Variants in CFAP20DC observed in about 807,000 individuals in gnomAD.
CFAP20DC encodes protein CFAP20DC.
In CFAP20DC, 84 loss-of-function variants were observed where a neutral mutation model predicts 101.7. The observed-to-expected ratio is 0.83, with a 90% CI of 0.69 to 0.99. The LOEUF is 0.99. Ranked by LOEUF, CFAP20DC falls within the 50% of genes least tolerant of loss-of-function variation. CFAP20DC has a pLI of 0.00. For synonymous variants in CFAP20DC, 359 were observed against 351.2 expected (o/e 1.02, Z -0.25); for missense variants, 1,007 against 970.3 (o/e 1.04, Z -0.50).
rs1443682549 is a variant in CFAP20DC at position 58,722,214 on chromosome 3, G to A, written c.198-4586C>T. Among the ~76,000 whole-genome samples, 1 of 152,112 alleles carries A rather than the reference G, an allele frequency of 6.6e-6. No individual in the cohort carries two copies. Among genetic ancestry groups the A allele is most frequent in the Non-Finnish European group, 1.5e-5 (1 of 68,020 alleles). On this transcript the variant is annotated intron_variant, in intron 3 of 3. Coordinates refer to the CFAP20DC transcript ENST00000486145. This position sits in a 1 kb window ranked among gnomAD's most constrained non-coding sequence, Gnocchi z 4.5. ...AGCCCAGGCACCAGGCATGTGAGAA[G>A]CCTCCCAGTGATTCCAGCCACCAAG...
At chr3:58,793,982 A>C (rs988552776) in intron 15 of CFAP20DC, among the ~76,000 whole-genome samples, 1 of 152,228 alleles carries the variant, frequency 6.6e-6, no homozygotes, top group Non-Finnish European at 1.5e-5. Context: ...TCTGCAAATA[A>C]AGAGAATCAA....
rs1015488300 is a variant in CFAP20DC at position 58,849,371 on chromosome 3, A to G, written c.1632T>C (p.Thr544=). The part of the protein sequence containing the change: ...HSIQGSRGPT[T]GPSELTQLTL... ...TTAACTGAGTTAACTCTGAAGGACC[A>G]GTTGTTGGGCCTCGAGAACCCTGGA... Residue 544 remains threonine, a synonymous_variant, in exon 13 of 17, where the codon ACT becomes ACC. Transcript: ENST00000482387. 3.3e-6 allele frequency: 5 copies of G among 1,535,406 alleles called. No individual in the cohort carries two copies. The highest frequency in any genetic ancestry group is 4.4e-6 in the Non-Finnish European group (5 of 1,146,592).
intron 14 of CFAP20DC, among the ~76,000 whole-genome samples, chr3:58,809,914 A>G (rs1421143265): frequency 1.3e-5 from 2 of 152,212 alleles, no homozygotes; most frequent in African/African-American, 4.8e-5. Context: ...ATCAGGGAAT[A>G]GTACAAAAAC....
At chr3:58,990,780 T>TGTGTGTGTGTGC in intron 4 of CFAP20DC, among the ~76,000 whole-genome samples, 1 of 152,030 alleles carries the variant, frequency 6.6e-6, no homozygotes, top group African/African-American at 2.4e-5. Context: ...TGTGTGTGTG[T>TGTGTGTGTGTGC]GTGTGTGTGT....
chr3:58,841,446 T>G lies in CFAP20DC; in HGVS notation c.1971+7586A>C, dbSNP rs2077100181. On this transcript the variant is annotated intron_variant, in intron 13 of 16. Transcript: ENST00000482387. Reference sequence around the variant, plus strand: ...ATAATTTACAAATTCATTTTTTCTCTAAGTTTATGGAGCACAAATTGCAGA... The same window carrying G: ...ATAATTTACAAATTCATTTTTTCTCGAAGTTTATGGAGCACAAATTGCAGA... Among the ~76,000 whole-genome samples the G allele has an allele frequency of 2.0e-5, 3 of 152,234 alleles. No individual in the cohort carries two copies. The South Asian group carries it at 6.2e-4, about 32-fold the overall frequency.
chr3:58,785,578 A>G (rs893891071), intron 15 of CFAP20DC, among the ~76,000 whole-genome samples: 5 of 151,902 alleles, frequency 3.3e-5, no homozygotes, highest in African/African-American at 1.2e-4. Flanking sequence ...TTTAAAACAG[A>G]AAAAAAACTA....
intron 4 of CFAP20DC, among the ~76,000 whole-genome samples, chr3:58,968,626 T>G (rs1444597213): frequency 6.6e-6 from 1 of 152,080 alleles, no homozygotes; most frequent in African/African-American, 2.4e-5. Flanking sequence ...TCAGATGCAT[T>G]GTTTGTAAAT....
intron 4 of CFAP20DC, among the ~76,000 whole-genome samples, chr3:58,993,349 T>C (rs567730018): frequency 3.3e-5 from 5 of 152,224 alleles, no homozygotes; most frequent in Non-Finnish European, 5.9e-5. Flanking sequence ...TACCGTGTGA[T>C]TGACTGAAAT....
chr3:58,948,887 T>C (rs1264097835), intron 4 of CFAP20DC, among the ~76,000 whole-genome samples: 1 of 152,234 alleles, frequency 6.6e-6, no homozygotes, highest in African/African-American at 2.4e-5. Context: ...TTTGTACCTC[T>C]GGTAGAATTC....
At position 58,887,940 on chromosome 3, in the gene CFAP20DC, T is replaced by C. The variant is rs146382405; in HGVS notation, c.551-3231A>G. On this transcript the variant is annotated intron_variant, in intron 6 of 16. Transcript: ENST00000482387. ...TCTCTGAGATTTCATGGTGGAATAC[T>C]TGGAAAAGGGACTTTAGTCTCATTT... is the stretch of plus-strand genomic sequence containing the variant. 9.2e-5 allele frequency among the ~76,000 whole-genome samples: 14 copies of C among 152,366 alleles called. No individual in the cohort carries two copies. The East Asian group carries it at 2.5e-3, about 27-fold the overall frequency.
intron 5 of CFAP20DC, among the ~76,000 whole-genome samples, chr3:58,921,941 TGTGAA>T (rs2085424920): frequency 1.3e-5 from 2 of 152,224 alleles, no homozygotes; most frequent in African/African-American, 4.8e-5. Flanking sequence ...TCCTTATCAT[TGTGAA>T]ACATCTCTCA....
chr3:58,771,537 A>G (rs890391704), intron 15 of CFAP20DC, among the ~76,000 whole-genome samples: 7 of 152,192 alleles, frequency 4.6e-5, no homozygotes, highest in Admixed American at 2.6e-4. Flanking sequence ...CAAATATGCC[A>G]TATTAGCATA....
chr3:58,949,884 C>T (rs142097832), intron 4 of CFAP20DC, among the ~76,000 whole-genome samples: 2,640 of 152,256 alleles, frequency 0.017, 72 homozygotes, highest in African/African-American at 0.059. Context: ...CCTCTCTCAC[C>T]ACTCCTATTC....
At chr3:58,750,424 C>G (rs2068487718) in intron 16 of CFAP20DC, among the ~76,000 whole-genome samples, 1 of 152,154 alleles carries the variant, frequency 6.6e-6, no homozygotes, top group Admixed American at 6.5e-5. Context: ...CCACACCTCA[C>G]TAGGCTATTG....
At chr3:58,935,462 C>T (rs1222228164) in intron 5 of CFAP20DC, among the ~76,000 whole-genome samples, 1 of 151,822 alleles carries the variant, frequency 6.6e-6, no homozygotes, top group Non-Finnish European at 1.5e-5. Flanking sequence ...GCCCGCATCG[C>T]CAAGTCAATC....
At chr3:58,919,307 T>C (rs1358234989) in intron 5 of CFAP20DC, among the ~76,000 whole-genome samples, 1 of 152,160 alleles carries the variant, frequency 6.6e-6, no homozygotes, top group East Asian at 1.9e-4. Context: ...ACACCACAAT[T>C]TGCTCGTTCT....
intron 14 of CFAP20DC, among the ~76,000 whole-genome samples, chr3:58,814,644 T>A (rs795414): frequency 6.7e-6 from 1 of 149,452 alleles, no homozygotes; most frequent in African/African-American, 2.5e-5. Flanking sequence ...AAGCTGATAA[T>A]CAACTTCAGC....
At chr3:58,924,202 T>C (rs975587348) in intron 5 of CFAP20DC, among the ~76,000 whole-genome samples, 4 of 152,144 alleles carry the variant, frequency 2.6e-5, no homozygotes, top group Non-Finnish European at 4.4e-5. Flanking sequence ...TTGCAACCAA[T>C]AGGTAATTTT....
chr3:58,934,665 C>T (rs1476439644), intron 5 of CFAP20DC, among the ~76,000 whole-genome samples: 1 of 152,160 alleles, frequency 6.6e-6, no homozygotes, highest in Non-Finnish European at 1.5e-5. Context: ...GAACCAAAGA[C>T]AAAAACCACA....
Sources: gnomAD v4.1 joint callset for allele counts (sites outside exome capture counted in the v4.1 genomes callset) on GRCh38, gnomAD v4.1.1 for gene constraint, Gnocchi (gnomAD v3.1) non-coding constraint, MANE v1.5 for transcripts, NCBI Gene and HGNC (gene_info 2026-07-23, HGNC 2026-07-21) for gene names.